AUTS2: variants seen among roughly 807,000 people sequenced by gnomAD.
AUTS2 encodes the protein autism susceptibility gene 2 protein.
A neutral mutation model predicts 112.4 loss-of-function variants in AUTS2; 17 were observed. The observed-to-expected ratio is 0.15, with a 90% confidence interval of 0.10 to 0.23. The LOEUF (loss-of-function observed/expected upper bound fraction) is 0.23, where lower values mean the gene tolerates loss of function less well. Ranked by LOEUF, AUTS2 falls within the 10% of genes least tolerant of loss-of-function variation. AUTS2 has a pLI of 1.00. For missense variants in AUTS2, 1,510 were observed against 1,701.6 expected (o/e 0.89, Z 1.98); for synonymous variants, 751 against 702.7 (o/e 1.07, Z -1.09).
chr7:69,987,332 TG>T (rs1798552757), intron 2 of AUTS2, among the ~76,000 whole-genome samples: 1 of 152,178 alleles, frequency 6.6e-6, no homozygotes, highest in South Asian at 2.1e-4. Flanking sequence ...TCGAGGGAAA[TG>T]CTGTGAAGGT....
intron 5 of AUTS2, among the ~76,000 whole-genome samples, chr7:70,595,546 G>GT (rs1803154067): frequency 6.7e-6 from 1 of 149,962 alleles, no homozygotes; most frequent in Non-Finnish European, 1.5e-5. Context: ...GGAGCTCTCT[G>GT]TAAGGAAGGC....
At chr7:70,562,055 C>T (rs536497987) in intron 5 of AUTS2, among the ~76,000 whole-genome samples, 11 of 152,160 alleles carry the variant, frequency 7.2e-5, no homozygotes, top group Non-Finnish European at 1.0e-4. Flanking sequence ...CCTCTCACCA[C>T]GTGCCCTGTT....
chr7:69,614,720 G>A (rs1023237212), intron 1 of AUTS2, among the ~76,000 whole-genome samples: 1 of 152,030 alleles, frequency 6.6e-6, no homozygotes, highest in African/African-American at 2.4e-5. Flanking sequence ...CTGGTCTCAA[G>A]TGCTTCTCCT....
intron 5 of AUTS2, among the ~76,000 whole-genome samples, chr7:70,505,624 T>A (rs1798930236): frequency 6.6e-6 from 1 of 152,186 alleles, no homozygotes; most frequent in African/African-American, 2.4e-5. Flanking sequence ...ACTTAGGAAG[T>A]TCCTGCCGAC....
chr7:70,180,945 C>T (rs1208157671), intron 4 of AUTS2, among the ~76,000 whole-genome samples: 2 of 152,110 alleles, frequency 1.3e-5, no homozygotes, highest in Non-Finnish European at 2.9e-5. Context: ...ATTTACCCAC[C>T]ACCCAGCTTG....
At chr7:70,546,312 C>T (rs753773815) in intron 5 of AUTS2, among the ~76,000 whole-genome samples, 1 of 152,120 alleles carries the variant, frequency 6.6e-6, no homozygotes, top group Non-Finnish European at 1.5e-5. Context: ...GACACAGTGG[C>T]TCACGCCTGT....
intron 4 of AUTS2, among the ~76,000 whole-genome samples, chr7:70,368,981 A>C (rs1037162751): frequency 1.1e-4 from 16 of 152,328 alleles, no homozygotes; most frequent in African/African-American, 3.8e-4. Flanking sequence ...AATATTTATC[A>C]TTAGGGCTCC....
At chr7:69,671,998 AG>A (rs369017470) in intron 1 of AUTS2, among the ~76,000 whole-genome samples, 5 of 151,646 alleles carry the variant, frequency 3.3e-5, no homozygotes, top group African/African-American at 7.3e-5. Flanking sequence ...CAGTAGGTTG[AG>A]GGGGGGTCCC....
chr7:69,640,469 A>G (rs1794754476), intron 1 of AUTS2, among the ~76,000 whole-genome samples: 1 of 152,184 alleles, frequency 6.6e-6, no homozygotes, highest in African/African-American at 2.4e-5. Flanking sequence ...AAGATATCCC[A>G]CTGAGATTTA....
chr7:70,605,496 C>T (rs1457604638), intron 5 of AUTS2, among the ~76,000 whole-genome samples: 1 of 139,248 alleles, frequency 7.2e-6, no homozygotes, highest in Non-Finnish European at 1.6e-5. Flanking sequence ...AGTAGCAGTT[C>T]ATTTGTTTTT....
At chr7:70,021,128 A>G (rs1048250169) in intron 2 of AUTS2, among the ~76,000 whole-genome samples, 1 of 152,046 alleles carries the variant, frequency 6.6e-6, no homozygotes, top group Non-Finnish European at 1.5e-5. Context: ...GATTACAGGC[A>G]TGCGCCACCA....
intron 1 of AUTS2, among the ~76,000 whole-genome samples, chr7:69,669,583 T>TA (rs1233585950): frequency 6.6e-6 from 1 of 152,172 alleles, no homozygotes; most frequent in East Asian, 1.9e-4. Context: ...TGTAGGTATT[T>TA]AAAATTTAAA....
chr7:70,718,125 C>G (rs1810478289), intron 6 of AUTS2, among the ~76,000 whole-genome samples: 1 of 152,216 alleles, frequency 6.6e-6, no homozygotes, highest in South Asian at 2.1e-4. Context: ...GTGCCACCCC[C>G]ACCCCATCAG....
chr7:70,061,781 CTT>C (rs777176481), intron 2 of AUTS2, among the ~76,000 whole-genome samples: 108 of 140,028 alleles, frequency 7.7e-4, no homozygotes, highest in Non-Finnish European at 7.9e-4. Flanking sequence ...GTTATTTCTT[CTT>C]TTTTTTTTTT....
At chr7:70,597,267 A>G (rs138654149) in intron 5 of AUTS2, among the ~76,000 whole-genome samples, 127 of 152,352 alleles carry the variant, frequency 8.3e-4, no homozygotes, top group African/African-American at 2.8e-3. Context: ...ATGATTGGGT[A>G]ATCTCTAAAA....
At chr7:70,004,186 A>G (rs1466401656) in intron 2 of AUTS2, among the ~76,000 whole-genome samples, 1 of 133,402 alleles carries the variant, frequency 7.5e-6, no homozygotes, top group African/African-American at 2.8e-5. Context: ...AATGTGTTAT[A>G]TGTGAATATA....
intron 2 of AUTS2, among the ~76,000 whole-genome samples, chr7:70,078,728 G>A (rs1478291166): frequency 6.6e-6 from 1 of 152,148 alleles, no homozygotes; most frequent in Non-Finnish European, 1.5e-5. Context: ...GGGGGAGAGG[G>A]GAAGGAAGAA....
chr7:69,652,248 G>T (rs1795326263), intron 1 of AUTS2, among the ~76,000 whole-genome samples: 1 of 151,868 alleles, frequency 6.6e-6, no homozygotes, highest in South Asian at 2.1e-4. Flanking sequence ...TTATTGGTTT[G>T]GGGCAAGTTA....
At chr7:69,958,017 G>A (rs1444525324) in intron 2 of AUTS2, among the ~76,000 whole-genome samples, 1 of 152,056 alleles carries the variant, frequency 6.6e-6, no homozygotes, top group Non-Finnish European at 1.5e-5. Flanking sequence ...ATAAATAAAA[G>A]GGCGAAGGAC....
Sources: allele counts gnomAD v4.1 joint callset (sites outside exome capture counted in the v4.1 genomes callset), GRCh38; gene constraint gnomAD v4.1.1; transcripts MANE v1.5; gene names NCBI Gene and HGNC (gene_info 2026-07-23, HGNC 2026-07-21).